The following BPHL variants were observed in gnomAD, a reference collection of about 807,000 sequenced individuals.
The protein encoded by BPHL is serine hydrolase BPHL.
BPHL carries 27 observed loss-of-function variants against 31.2 expected under a neutral mutation model. That is an observed-to-expected ratio of 0.87 (90% CI 0.64 to 1.19). The LOEUF (loss-of-function observed/expected upper bound fraction) is 1.19. Among genes scored for constraint, BPHL ranks in the 50% most tolerant of loss-of-function variants. The pLI is 0.00. For missense variants in BPHL, 356 were observed against 375.7 expected (o/e 0.95, Z 0.43); for synonymous variants, 150 against 146.8 (o/e 1.02, Z -0.16).
chr6:3,128,538 C>T (rs184308944), intron 3 of BPHL, among the ~76,000 whole-genome samples: 11 of 152,318 alleles, frequency 7.2e-5, no homozygotes, highest in South Asian at 2.1e-4. Context: ...GATTCACCCG[C>T]GGACTCACAC....
At chr6:3,121,496 C>T (rs143644713) in intron 1 of BPHL, among the ~76,000 whole-genome samples, 283 of 151,814 alleles carry the variant, frequency 1.9e-3, no homozygotes, top group Non-Finnish European at 2.9e-3. Flanking sequence ...GTAGAGATGG[C>T]GTTCCACCAT....
chr6:3,153,411 CCT>C lies in BPHL; in HGVS notation c.*840_*841del, dbSNP rs1762576622. Reference sequence around the variant, plus strand: ...GGGCAGGTTTGCTTTACCCCATATCCCTCTCCTGGTTCACTTTTGAGAGATGA... The same window carrying C: ...GGGCAGGTTTGCTTTACCCCATATCCCTCCTGGTTCACTTTTGAGAGATGA... On this transcript the variant is annotated 3_prime_UTR_variant, in exon 7 of 7. Transcript: ENST00000380379. 2 of 230,714 alleles carry C rather than the reference CCT, an allele frequency of 8.7e-6. No individual in the cohort carries two copies. Among genetic ancestry groups the C allele is most frequent in the Non-Finnish European group, 1.7e-5 (2 of 117,274 alleles). 14.3% of individuals were successfully genotyped at this position (230,714 alleles called of 1,614,324 possible). A position where few individuals can be genotyped will look rare whatever the true frequency, so the allele number is the denominator to read the frequency against.
chr6:3,150,384 A>C (rs1175400040), intron 6 of BPHL, among the ~76,000 whole-genome samples: 1 of 152,182 alleles, frequency 6.6e-6, no homozygotes, highest in African/African-American at 2.4e-5. Context: ...TTTTGACCTA[A>C]AAGAGCTGTA....
chr6:3,131,325 G>A (rs1249868798), intron 4 of BPHL, among the ~76,000 whole-genome samples: 1 of 151,884 alleles, frequency 6.6e-6, no homozygotes, highest in South Asian at 2.1e-4. Flanking sequence ...CACTATCTCA[G>A]TTCATGGCCT....
chr6:3,152,855 C>T lies in BPHL; in HGVS notation c.*280C>T, dbSNP rs1052191786. 5.3e-5 allele frequency: 13 copies of T among 244,062 alleles called. No homozygotes were observed. The highest frequency in any genetic ancestry group is 1.2e-3 in the Middle Eastern group (1 of 824). The allele number at this position is 244,062 out of a possible 1,614,324, so 15.1% of individuals were successfully genotyped here. ...CAGCTTGTGCAATATAGGGAGACTC[C>T]GGCTCTACAAAAAAGAGTTTTTCAA... On this transcript the variant is annotated 3_prime_UTR_variant, in exon 7 of 7. Coordinates refer to ENST00000380379, the MANE Select transcript of BPHL (RefSeq NM_004332.4).
At chr6:3,123,795 C>G in intron 2 of BPHL, 35 bp downstream of exon 2, 1 of 1,549,012 alleles carries the variant, frequency 6.5e-7, no homozygotes, top group Non-Finnish European at 8.9e-7. Context: ...TTTTTGCATG[C>G]TGTAAAATCT....
chr6:3,128,507 A>G (rs761664907), intron 3 of BPHL, among the ~76,000 whole-genome samples: 8 of 152,126 alleles, frequency 5.3e-5, no homozygotes, highest in Admixed American at 2.0e-4. Flanking sequence ...TCCCTGCCAA[A>G]CGCATGTCCA....
intron 4 of BPHL, among the ~76,000 whole-genome samples, chr6:3,134,541 A>G (rs1039242659): frequency 1.4e-5 from 2 of 139,092 alleles, no homozygotes; most frequent in African/African-American, 2.7e-5. Flanking sequence ...ACATCAAACT[A>G]TCCTTCTGCC....
At chr6:3,137,912 C>G in intron 5 of BPHL, 1 of 1,062,784 alleles carries the variant, frequency 9.4e-7, no homozygotes, top group Non-Finnish European at 1.3e-6. Context: ...CACGAGGACA[C>G]TGTTAATCTT....
chr6:3,124,597 A>G (rs968121302), intron 2 of BPHL, among the ~76,000 whole-genome samples: 2 of 152,152 alleles, frequency 1.3e-5, no homozygotes, highest in African/African-American at 4.8e-5. Context: ...TAGATTACTT[A>G]CCATATCTCA....
intron 6 of BPHL, among the ~76,000 whole-genome samples, chr6:3,152,182 CCA>C: frequency 6.6e-6 from 1 of 152,196 alleles, no homozygotes; most frequent in East Asian, 1.9e-4. Context: ...ATCACCTCCC[CCA>C]CTCTCAGTCC....
intron 1 of BPHL, chr6:3,119,405 A>C: frequency 6.2e-7 from 1 of 1,609,338 alleles, no homozygotes; most frequent in Non-Finnish European, 8.5e-7. Flanking sequence ...GGGAACTGAA[A>C]ATTCAGAATC....
At chr6:3,125,270 G>C (rs567879211) in intron 2 of BPHL, among the ~76,000 whole-genome samples, 26 of 152,010 alleles carry the variant, frequency 1.7e-4, no homozygotes, top group Non-Finnish European at 1.2e-4. Context: ...GTCTCAAACT[G>C]CTGACCTCAG....
At chr6:3,151,063 A>G (rs1184045184) in intron 6 of BPHL, among the ~76,000 whole-genome samples, 1 of 152,216 alleles carries the variant, frequency 6.6e-6, no homozygotes, top group East Asian at 1.9e-4. Flanking sequence ...GAAACCAACA[A>G]ATCATAGCCA....
At chr6:3,147,629 C>A (rs1762419017) in intron 6 of BPHL, among the ~76,000 whole-genome samples, 1 of 151,890 alleles carries the variant, frequency 6.6e-6, no homozygotes, top group African/African-American at 2.4e-5. Context: ...AAAAAAGAAC[C>A]AACAAGACGT....
At chr6:3,123,522 ATTG>A (rs1401100811) in intron 1 of BPHL, 132 bp from the exon 2 acceptor site, 53 of 616,874 alleles carry the variant, frequency 8.6e-5, no homozygotes, top group Non-Finnish European at 1.4e-4. Flanking sequence ...ACTATCGCTT[ATTG>A]TTAGCCGTAG....
At chr6:3,147,496 C>T (rs1029484101) in intron 6 of BPHL, among the ~76,000 whole-genome samples, 9 of 151,916 alleles carry the variant, frequency 5.9e-5, no homozygotes, top group Non-Finnish European at 1.0e-4. Flanking sequence ...TGCAGTGGCC[C>T]GATCATAGCT....
At chr6:3,143,251 A>G (rs1762228872) in intron 6 of BPHL, among the ~76,000 whole-genome samples, 1 of 152,012 alleles carries the variant, frequency 6.6e-6, no homozygotes, top group South Asian at 2.1e-4. Context: ...AAAACACTTA[A>G]AGGCACAGAC....
intron 2 of BPHL, 195 bp downstream of exon 2, chr6:3,123,955 T>C (rs934569540): frequency 1.2e-5 from 5 of 420,026 alleles, no homozygotes; most frequent in African/African-American, 1.0e-4. Flanking sequence ...TTTTATTCCT[T>C]TAGTAAAGTA....
Sources: gnomAD v4.1 joint callset for allele counts (sites outside exome capture counted in the v4.1 genomes callset) on GRCh38, gnomAD v4.1.1 for gene constraint, MANE v1.5 for transcripts, NCBI Gene and HGNC (gene_info 2026-07-23, HGNC 2026-07-21) for gene names.